CCSER1: variants seen among roughly 807,000 people sequenced by gnomAD.
CCSER1 encodes serine-rich coiled-coil domain-containing protein 1.
Under a neutral mutation model 82.0 loss-of-function variants are expected in CCSER1, and 41 were observed. The observed-to-expected ratio is 0.50, with a 90% CI of 0.39 to 0.65. The LOEUF (loss-of-function observed/expected upper bound fraction) is 0.65. Among genes scored for constraint, CCSER1 ranks in the 30% least tolerant of loss-of-function variants. CCSER1 has a pLI of 0.00. For missense variants in CCSER1, 1,119 were observed against 1,064.2 expected, an observed-to-expected ratio of 1.05 and a Z score of -0.72; for synonymous variants, 414 against 383.9, an observed-to-expected ratio of 1.08 and a Z score of -0.92.
chr4:90,279,235 C>T (rs965773742), intron 1 of CCSER1, among the ~76,000 whole-genome samples: 4 of 151,754 alleles, frequency 2.6e-5, no homozygotes, highest in Admixed American at 6.6e-5. Context: ...TACAGATATA[C>T]GGACACTTGT....
intron 1 of CCSER1, among the ~76,000 whole-genome samples, chr4:90,276,251 T>TTTCTTTCTTTCTTTCTTTCTTCCC (rs1727659770): frequency 1.3e-4 from 10 of 76,824 alleles, no homozygotes; most frequent in African/African-American, 5.1e-4. Context: ...TCTTTCTTTC[T>TTTCTTTCTTTCTTTCTTTCTTCCC]TTCCTTCCTT....
At chr4:90,847,694 G>T (rs1763383513) in intron 8 of CCSER1, among the ~76,000 whole-genome samples, 2 of 152,128 alleles carry the variant, frequency 1.3e-5, no homozygotes, top group Non-Finnish European at 2.9e-5. Context: ...AAAGGAAAAA[G>T]TCGCAAATAA....
intron 3 of CCSER1, among the ~76,000 whole-genome samples, chr4:90,381,393 G>T (rs971396002): frequency 1.3e-5 from 2 of 151,954 alleles, no homozygotes; most frequent in African/African-American, 4.8e-5. Flanking sequence ...TATATTTTAC[G>T]GGAAAATGGT....
At chr4:91,036,639 G>A (rs1354661436) in intron 9 of CCSER1, among the ~76,000 whole-genome samples, 2 of 151,950 alleles carry the variant, frequency 1.3e-5, no homozygotes, top group African/African-American at 4.8e-5. Flanking sequence ...CCTAAAGTGA[G>A]GGTATAATAT....
chr4:90,909,213 A>G (rs1240236896), intron 8 of CCSER1, among the ~76,000 whole-genome samples: 1 of 152,152 alleles, frequency 6.6e-6, no homozygotes, highest in Non-Finnish European at 1.5e-5. Flanking sequence ...TATAAAGAAC[A>G]CTTGTCTTAT....
chr4:90,889,720 A>G (rs989722717), intron 8 of CCSER1, among the ~76,000 whole-genome samples: 1 of 152,194 alleles, frequency 6.6e-6, no homozygotes, highest in African/African-American at 2.4e-5. Context: ...GCCGTTTTAC[A>G]TAGCATGGAT....
rs537877562 is a variant in CCSER1 at position 90,686,978 on chromosome 4, G to A, written c.1933-36936G>A. Among the ~76,000 whole-genome samples, 10 of 152,218 alleles carry A rather than the reference G, an allele frequency of 6.6e-5. No homozygotes were observed. In the South Asian group the frequency reaches 2.1e-3, roughly 32 times the overall value. On this transcript the variant is annotated intron_variant, in intron 6 of 10. Coordinates refer to ENST00000509176, the MANE Select transcript of CCSER1 (RefSeq NM_001145065.2). ...AATTATACCATTTAACTAATGTAGT[G>A]GGGGTCCCCAAGTGCCATGCATGAA...
At chr4:91,096,979 C>T (rs1451038235) in intron 10 of CCSER1, among the ~76,000 whole-genome samples, 1 of 152,216 alleles carries the variant, frequency 6.6e-6, no homozygotes, top group Non-Finnish European at 1.5e-5. Flanking sequence ...TCAGGCCACG[C>T]TTCCACTTAA....
chr4:91,278,995 C>T (rs1742692000), intron 10 of CCSER1, among the ~76,000 whole-genome samples: 2 of 152,060 alleles, frequency 1.3e-5, no homozygotes, highest in Non-Finnish European at 2.9e-5. Flanking sequence ...CTGGGAAAGA[C>T]TATCTCTTCT....
intron 3 of CCSER1, among the ~76,000 whole-genome samples, chr4:90,325,208 C>T (rs1196251515): frequency 6.6e-6 from 1 of 152,180 alleles, no homozygotes; most frequent in Non-Finnish European, 1.5e-5. Flanking sequence ...AGCCACATTG[C>T]TCTACCTCCT....
chr4:90,163,006 T>C lies in CCSER1; in HGVS notation c.-42+35175T>C, dbSNP rs149250819. On this transcript the variant is annotated intron_variant, in intron 1 of 10. Transcript: ENST00000509176. ...ACATATGTCACAACTCCAAGATTAT[T>C]TTTATTCCTGTGTTTGTTTCAGTTT... Among the ~76,000 whole-genome samples, 1,311 of 152,236 alleles carry C rather than the reference T, an allele frequency of 8.6e-3. 25 individuals are homozygous for C. Among genetic ancestry groups the C allele is most frequent in the African/African-American group, 0.03 (1,254 of 41,550 alleles).
At chr4:90,789,418 A>G (rs1481812423) in intron 7 of CCSER1, among the ~76,000 whole-genome samples, 7 of 152,084 alleles carry the variant, frequency 4.6e-5, no homozygotes, top group Admixed American at 4.6e-4. Context: ...TACTACATGA[A>G]TATCCTAGTG....
intron 5 of CCSER1, among the ~76,000 whole-genome samples, chr4:90,622,237 G>C (rs901133394): frequency 6.6e-6 from 1 of 152,050 alleles, no homozygotes; most frequent in Non-Finnish European, 1.5e-5. Context: ...TGGGGTACTA[G>C]CTGCAGAGGT....
chr4:91,497,365 G>A (rs1758980444), intron 10 of CCSER1, among the ~76,000 whole-genome samples: 1 of 151,574 alleles, frequency 6.6e-6, no homozygotes, highest in Non-Finnish European at 1.5e-5. Flanking sequence ...AAAAAATACT[G>A]GTGCTAAGAT....
Position 90,312,770 on chromosome 4 carries a change from A to G in CCSER1, c.1325-93A>G, listed in dbSNP as rs1579119538. The G allele has an allele frequency of 5.2e-6, 5 of 961,564 alleles. No individual in the cohort carries two copies. In the East Asian group the frequency reaches 1.1e-4, roughly 20 times the overall value. The allele number at this position is 961,564 out of a possible 1,614,324, so 59.6% of individuals were successfully genotyped here. A position where few individuals can be genotyped will look rare whatever the true frequency, so the allele number is the denominator to read the frequency against. ...TCTTGTGATAGAGAAACTTTGAATA[A>G]CACTAAGAGTTTTTCATGATCTTTC... On this transcript the variant is annotated intron_variant, in intron 2 of 10. Coordinates refer to ENST00000509176, the MANE Select transcript of CCSER1 (RefSeq NM_001145065.2).
chr4:90,332,325 C>T (rs1393898659), intron 3 of CCSER1, among the ~76,000 whole-genome samples: 1 of 151,870 alleles, frequency 6.6e-6, no homozygotes, highest in Non-Finnish European at 1.5e-5. Context: ...CAACCTCCGC[C>T]TACTGGGTTC....
intron 10 of CCSER1, among the ~76,000 whole-genome samples, chr4:91,216,910 G>A (rs1737287329): frequency 6.6e-6 from 1 of 152,154 alleles, no homozygotes; most frequent in Non-Finnish European, 1.5e-5. Context: ...GGAGGGAGAA[G>A]GAAATTGATT....
intron 7 of CCSER1, among the ~76,000 whole-genome samples, chr4:90,753,788 C>T (rs1450585114): frequency 6.6e-6 from 1 of 152,124 alleles, no homozygotes; most frequent in African/African-American, 2.4e-5. Flanking sequence ...TAAGGCCTTA[C>T]ATGTTCTACC....
At chr4:90,635,369 G>A (rs1056305285) in intron 6 of CCSER1, among the ~76,000 whole-genome samples, 1 of 151,488 alleles carries the variant, frequency 6.6e-6, no homozygotes, top group African/African-American at 2.4e-5. Context: ...TACATTTTTT[G>A]AGAAAAATGG....
Sources: allele counts gnomAD v4.1 joint callset (sites outside exome capture counted in the v4.1 genomes callset), GRCh38; gene constraint gnomAD v4.1.1; transcripts MANE v1.5; gene names NCBI Gene and HGNC (gene_info 2026-07-23, HGNC 2026-07-21).